The following HMGB1 variants were observed in gnomAD, a reference collection of about 807,000 sequenced individuals.
HMGB1 encodes high mobility group protein B1.
For synonymous variants in HMGB1, 81 were observed against 84.0 expected, an observed-to-expected ratio of 0.96 and a Z score of 0.19; for missense variants, 79 against 253.5, an observed-to-expected ratio of 0.31 and a Z score of 4.67.
At chr13:30,585,148 TA>T (rs534951749) in intron 1 of HMGB1, among the ~76,000 whole-genome samples, 1,801 of 133,888 alleles carry the variant, frequency 0.013, 15 homozygotes, top group African/African-American at 0.03. Flanking sequence ...ATACCTCATC[TA>T]AAAAAAAAAA....
chr13:30,489,583 T>G (rs900667917), intron 1 of HMGB1, among the ~76,000 whole-genome samples: 1 of 152,156 alleles, frequency 6.6e-6, no homozygotes, highest in Admixed American at 6.5e-5. Flanking sequence ...TAGCTCTCAC[T>G]AGGAGGAGGA....
intron 1 of HMGB1, among the ~76,000 whole-genome samples, chr13:30,531,066 T>G (rs1013341316): frequency 6.6e-6 from 1 of 152,020 alleles, no homozygotes; most frequent in African/African-American, 2.4e-5. Context: ...AAAAAACAAG[T>G]GCACACACAC....
At chr13:30,492,311 C>T (rs1299678277) in intron 1 of HMGB1, among the ~76,000 whole-genome samples, 1 of 150,890 alleles carries the variant, frequency 6.6e-6, no homozygotes, top group Non-Finnish European at 1.5e-5. Flanking sequence ...GCAACACAGT[C>T]AGCCTCATCT....
rs139617806 is a variant in HMGB1 at position 30,481,760 on chromosome 13, C to T, written c.-14-18066G>A. ...AGGCTGGTGCTCAAGGGAAAAAGGACGCAGTCTTGGAAGGCCAGGAAGCTT... is the reference window on the plus strand; with the variant it reads ...AGGCTGGTGCTCAAGGGAAAAAGGATGCAGTCTTGGAAGGCCAGGAAGCTT... On this transcript the variant is annotated intron_variant, in intron 1 of 4. Coordinates refer to the HMGB1 transcript ENST00000405805. 7.5e-4 allele frequency among the ~76,000 whole-genome samples: 114 copies of T among 152,328 alleles called. 1 individual carries two copies. Among genetic ancestry groups the T allele is most frequent in the East Asian group, 6.9e-3 (36 of 5,186 alleles).
At chr13:30,574,453 T>C (rs1870562720) in intron 1 of HMGB1, among the ~76,000 whole-genome samples, 1 of 151,798 alleles carries the variant, frequency 6.6e-6, no homozygotes, top group African/African-American at 2.4e-5. Context: ...AAATGAATTC[T>C]CTTGTGATAA....
chr13:30,538,672 CTTT>C (rs1868669436), intron 1 of HMGB1, among the ~76,000 whole-genome samples: 4 of 17,570 alleles, frequency 2.3e-4, no homozygotes, highest in Non-Finnish European at 4.4e-4. Flanking sequence ...TCCTTTCTTT[CTTT>C]CTTTCTTTCC....
intron 1 of HMGB1, among the ~76,000 whole-genome samples, chr13:30,563,802 A>G (rs996551035): frequency 3.9e-5 from 6 of 152,196 alleles, no homozygotes; most frequent in Non-Finnish European, 8.8e-5. Context: ...CGTTTAATCA[A>G]TTGAGGATAA....
At chr13:30,500,798 A>T (rs1334037750) in intron 1 of HMGB1, among the ~76,000 whole-genome samples, 2 of 147,376 alleles carry the variant, frequency 1.4e-5, no homozygotes, top group Non-Finnish European at 3.0e-5. Flanking sequence ...ATCTTGGCTC[A>T]CTGCAAGCTC....
chr13:30,575,339 G>A (rs185836726), intron 1 of HMGB1, among the ~76,000 whole-genome samples: 9 of 152,198 alleles, frequency 5.9e-5, no homozygotes, highest in Non-Finnish European at 1.2e-4. Context: ...TATTGACTAC[G>A]CTGACCCCAT....
chr13:30,495,122 A>G (rs1018828938), intron 1 of HMGB1, among the ~76,000 whole-genome samples: 3 of 152,008 alleles, frequency 2.0e-5, no homozygotes, highest in Non-Finnish European at 4.4e-5. Context: ...CACTGCTACT[A>G]CCCCAGTTTA....
In HMGB1 at chr13:30,588,198, A is replaced by C. The variant is rs144026514; in HGVS notation, c.-15+28473T>G. 3.6e-3 allele frequency among the ~76,000 whole-genome samples: 543 copies of C among 152,346 alleles called. 2 individuals carry two copies. The highest frequency in any genetic ancestry group is 0.011 in the African/African-American group (461 of 41,588). On this transcript the variant is annotated intron_variant, in intron 1 of 4. Transcript: ENST00000405805. ...ACACAAATAGAAAACAAGAAACCAT[A>C]ATGTTAAAAATATTACATAGTAACA...
intron 1 of HMGB1, among the ~76,000 whole-genome samples, chr13:30,569,021 A>G (rs1482536614): frequency 6.6e-6 from 1 of 152,152 alleles, no homozygotes; most frequent in Non-Finnish European, 1.5e-5. Flanking sequence ...TATTAAAAAT[A>G]AAAATTAGTT....
intron 1 of HMGB1, among the ~76,000 whole-genome samples, chr13:30,509,679 T>C (rs1212911522): frequency 6.6e-6 from 1 of 152,190 alleles, no homozygotes; most frequent in Non-Finnish European, 1.5e-5. Context: ...TTGAGGAATT[T>C]ACTAAACTGA....
At chr13:30,616,245 C>T (rs558822542) in intron 1 of HMGB1, among the ~76,000 whole-genome samples, 1 of 152,342 alleles carries the variant, frequency 6.6e-6, no homozygotes, top group South Asian at 2.1e-4. Flanking sequence ...CTCTTTACAA[C>T]TCAAGCCCCG....
intron 1 of HMGB1, chr13:30,540,338 C>T: frequency 6.2e-6 from 1 of 160,670 alleles, no homozygotes. Flanking sequence ...ATGGTCCAGG[C>T]CAGTTTGAGC....
intron 4 of HMGB1, chr13:30,462,313 C>A (rs1266455291): frequency 7.2e-6 from 4 of 557,816 alleles, no homozygotes; most frequent in Non-Finnish European, 1.3e-5. Flanking sequence ...TGGGGAATAA[C>A]AAAACCAACA....
intron 1 of HMGB1, among the ~76,000 whole-genome samples, chr13:30,613,460 T>C (rs1266311108): frequency 6.6e-6 from 1 of 152,240 alleles, no homozygotes; most frequent in African/African-American, 2.4e-5. Flanking sequence ...TGCCTTGGAA[T>C]GAGCATGAGC....
intron 1 of HMGB1, among the ~76,000 whole-genome samples, chr13:30,558,500 T>TA (rs954176469): frequency 6.6e-6 from 1 of 152,144 alleles, no homozygotes; most frequent in East Asian, 1.9e-4. Flanking sequence ...ATAAGTCATG[T>TA]AAAAAAAGAT....
At chr13:30,565,795 A>C (rs1405596750) in intron 1 of HMGB1, among the ~76,000 whole-genome samples, 1 of 152,096 alleles carries the variant, frequency 6.6e-6, no homozygotes, top group Non-Finnish European at 1.5e-5. Context: ...TCATAATGGG[A>C]GGGATGAGCT....
Sources: gnomAD v4.1 joint callset for allele counts (sites outside exome capture counted in the v4.1 genomes callset) on GRCh38, gnomAD v4.1.1 for gene constraint, MANE v1.5 for transcripts, NCBI Gene and HGNC (gene_info 2026-07-23, HGNC 2026-07-21) for gene names.